The following C1GALT1 variants were observed in gnomAD, a reference collection of about 807,000 sequenced individuals.
The protein encoded by C1GALT1 is glycoprotein-N-acetylgalactosamine 3-beta-galactosyltransferase 1.
In C1GALT1, 11 loss-of-function variants were observed where a neutral mutation model predicts 31.0. The ratio of observed to expected loss-of-function variants is 0.36; its 90% CI spans 0.22 to 0.59. The LOEUF (loss-of-function observed/expected upper bound fraction) is 0.59. Among genes scored for constraint, C1GALT1 ranks in the 20% least tolerant of loss-of-function variants. The pLI, the probability that C1GALT1 is intolerant of heterozygous loss-of-function variation, is 0.79. For synonymous variants in C1GALT1, 175 were observed against 143.6 expected (o/e 1.22, Z -1.56); for missense variants, 424 against 425.2 (o/e 1.00, Z 0.03).
chr7:7,238,848 G>C lies in C1GALT1; in HGVS notation c.814G>C (p.Glu272Gln), dbSNP rs1748533740. 1 of 1,613,908 alleles carries C rather than the reference G, an allele frequency of 6.2e-7. No homozygotes were observed. The highest frequency in any genetic ancestry group is 8.5e-7 in the Non-Finnish European group (1 of 1,179,890). Residue 272 changes from glutamate to glutamine, a missense_variant, in exon 3 of 4, where the codon GAA becomes CAA. Around this residue, in one of 3 missense-constraint regions of C1GALT1, gnomAD observed 191 missense variants for 188.8 expected, o/e 1.01. Coordinates refer to ENST00000436587, the MANE Select transcript of C1GALT1 (RefSeq NM_020156.5). The surrounding 1 kb of genome is among the most constrained non-coding windows in gnomAD (Gnocchi z 5.2). The part of the protein sequence containing the change: ...GKETFHPFVP[E>Q]HHLIKGYLPR... ...AGAAACTTTTCATCCCTTTGTGCCA[G>C]AACACCATTTAATTAAAGGTTATCT...
intron 1 of C1GALT1, among the ~76,000 whole-genome samples, chr7:7,231,000 T>G (rs1258208716): frequency 6.6e-6 from 1 of 152,190 alleles, no homozygotes; most frequent in Non-Finnish European, 1.5e-5. Flanking sequence ...ATCTCTGAAT[T>G]TTTATCTGAA....
chr7:7,190,630 T>C (rs1781026608), intron 1 of C1GALT1, among the ~76,000 whole-genome samples: 1 of 152,270 alleles, frequency 6.6e-6, no homozygotes, highest in East Asian at 1.9e-4. Context: ...AAACTTTGTC[T>C]CTTCCCCTTC....
intron 2 of C1GALT1, chr7:7,235,110 T>C (rs1308982800): frequency 6.6e-6 from 1 of 152,352 alleles, no homozygotes; most frequent in Non-Finnish European, 1.5e-5. Flanking sequence ...TCTCTCCAAG[T>C]TTCTGTCCTT....
At chr7:7,224,459 G>A (rs1434049916) in intron 1 of C1GALT1, among the ~76,000 whole-genome samples, 2 of 151,848 alleles carry the variant, frequency 1.3e-5, no homozygotes, top group East Asian at 1.9e-4. Flanking sequence ...AGATTTTTGT[G>A]GGGGTCAGGG....
At chr7:7,184,530 C>T (rs912347320) in intron 1 of C1GALT1, among the ~76,000 whole-genome samples, 3 of 152,082 alleles carry the variant, frequency 2.0e-5, no homozygotes, top group Non-Finnish European at 4.4e-5. Context: ...TTCTTGTTTA[C>T]CTAATAGAAA....
At chr7:7,208,158 C>G (rs10275169) in intron 1 of C1GALT1, among the ~76,000 whole-genome samples, 14,092 of 152,014 alleles carry the variant, frequency 0.093, 784 homozygotes, top group East Asian at 0.16. Context: ...TAGGTTGACT[C>G]TCGTGGTATT....
rs1170628325 is a variant in C1GALT1 at position 7,234,554 on chromosome 7, A to T, written c.220+15A>T. On this transcript the variant is annotated intron_variant, in intron 2 of 3. Coordinates refer to ENST00000436587, the MANE Select transcript of C1GALT1 (RefSeq NM_020156.5). ...CCAACATAAAGGTATGGTTTACTTT[A>T]TTAAGCAGTAAACATAAGCAGTATT... The T allele has an allele frequency of 3.2e-6, 5 of 1,568,888 alleles. No homozygotes were observed. Among genetic ancestry groups the T allele is most frequent in the Non-Finnish European group, 4.4e-6 (5 of 1,140,160 alleles).
chr7:7,194,407 CCT>C (rs1449924866), intron 1 of C1GALT1, among the ~76,000 whole-genome samples: 1 of 151,996 alleles, frequency 6.6e-6, no homozygotes, highest in Non-Finnish European at 1.5e-5. Flanking sequence ...TTGCCAAATG[CCT>C]TTTCTGTGTC....
At chr7:7,170,806 A>C (rs1197875781) in intron 2 of C1GALT1, among the ~76,000 whole-genome samples, 2 of 152,066 alleles carry the variant, frequency 1.3e-5, no homozygotes, top group African/African-American at 4.8e-5. Flanking sequence ...AAAACATCTT[A>C]TGTTTTAATA....
intron 1 of C1GALT1, among the ~76,000 whole-genome samples, chr7:7,233,863 A>G (rs1008382715): frequency 6.6e-6 from 1 of 152,202 alleles, no homozygotes; most frequent in Non-Finnish European, 1.5e-5. Context: ...TGAGACCCAA[A>G]AAGCCAAAAA....
intron 3 of C1GALT1, among the ~76,000 whole-genome samples, chr7:7,241,817 A>G (rs187371287): frequency 6.6e-5 from 10 of 152,012 alleles, no homozygotes; most frequent in Non-Finnish European, 1.2e-4. Context: ...TTGTTTTCTA[A>G]TAATTATAGC....
intron 1 of C1GALT1, among the ~76,000 whole-genome samples, chr7:7,214,817 C>T (rs971997780): frequency 6.6e-6 from 1 of 152,208 alleles, no homozygotes; most frequent in African/African-American, 2.4e-5. Context: ...TAGCCACTTC[C>T]CATGATATAC....
chr7:7,222,197 G>GA (rs779076591), intron 1 of C1GALT1, among the ~76,000 whole-genome samples: 123 of 152,102 alleles, frequency 8.1e-4, no homozygotes, highest in Non-Finnish European at 1.5e-3. Flanking sequence ...CTCTTTAATT[G>GA]GAGTGAAATC....
intron 1 of C1GALT1, among the ~76,000 whole-genome samples, chr7:7,221,506 A>G (rs1347132729): frequency 6.6e-6 from 1 of 152,206 alleles, no homozygotes; most frequent in Non-Finnish European, 1.5e-5. Context: ...TATCAGAGCC[A>G]TTCCTTAAAA....
At chr7:7,177,689 A>G (rs1164278416), upstream of C1GALT1, among the ~76,000 whole-genome samples, 3 of 152,244 alleles carry the variant, frequency 2.0e-5, no homozygotes, top group African/African-American at 4.8e-5. Flanking sequence ...TATTTTATAC[A>G]GTACACAGTA....
At chr7:7,161,568 C>T (rs1780334241) in intron 2 of C1GALT1, among the ~76,000 whole-genome samples, 1 of 152,040 alleles carries the variant, frequency 6.6e-6, no homozygotes, top group African/African-American at 2.4e-5. Flanking sequence ...ATGTTAGACC[C>T]TTTGCAAACA....
intron 2 of C1GALT1, among the ~76,000 whole-genome samples, chr7:7,237,353 C>CA (rs1254377658): frequency 6.6e-6 from 1 of 152,198 alleles, no homozygotes; most frequent in African/African-American, 2.4e-5. Context: ...AATGAGGTTA[C>CA]ACTAGGATGT....
Position 7,206,055 on chromosome 7 carries a change from A to T in C1GALT1, c.-18+23235A>T, listed in dbSNP as rs186420798. On this transcript the variant is annotated intron_variant, in intron 1 of 3. Coordinates refer to ENST00000436587, the MANE Select transcript of C1GALT1 (RefSeq NM_020156.5). ...ACTGTGATGATTACACTTAATATTT[A>T]AAAATTACAATATTTATACCAGCTT... Among the ~76,000 whole-genome samples, 10 of 152,310 alleles carry T rather than the reference A, an allele frequency of 6.6e-5. No individual in the cohort carries two copies. The East Asian group carries it at 1.7e-3, about 26-fold the overall frequency.
chr7:7,191,484 G>C (rs150871194), intron 1 of C1GALT1, among the ~76,000 whole-genome samples: 229 of 152,146 alleles, frequency 1.5e-3, no homozygotes, highest in African/African-American at 4.3e-3. Context: ...CTCTCATTGG[G>C]TATATATCCA....
Sources: gnomAD v4.1 joint callset for allele counts (sites outside exome capture counted in the v4.1 genomes callset) on GRCh38, gnomAD v4.1.1 for gene constraint, gnomAD v4.1.1 regional missense constraint, Gnocchi (gnomAD v3.1) non-coding constraint, MANE v1.5 for transcripts, NCBI Gene and HGNC (gene_info 2026-07-23, HGNC 2026-07-21) for gene names.